YIF1B: variants seen among roughly 807,000 people sequenced by gnomAD.
YIF1B encodes protein YIF1B.
Under a neutral mutation model 34.6 loss-of-function variants are expected in YIF1B, and 24 were observed. That is an observed-to-expected ratio of 0.69 (90% CI 0.50 to 0.98). The LOEUF (loss-of-function observed/expected upper bound fraction) is 0.98. Ranked by LOEUF, YIF1B falls within the 50% of genes least tolerant of loss-of-function variation. The pLI is 0.00. For synonymous variants in YIF1B, 186 were observed against 184.8 expected, an observed-to-expected ratio of 1.01 and a Z score of -0.05; for missense variants, 368 against 429.4, an observed-to-expected ratio of 0.86 and a Z score of 1.26.
At position 38,307,653 on chromosome 19, in the gene YIF1B, G is replaced by C. The variant is rs1765957838; in HGVS notation, c.639C>G (p.Val213=). The change falls in exon 6 of 8, where the codon GTC becomes GTG. Residue 213 remains valine (V), a synonymous_variant. Transcript: ENST00000339413. The stretch of plus-strand genomic sequence containing the variant: ...GGTCGATGGTGGTGAGGTCGGTGTT[G>C]ACAGTGACCAGATAGAGGCTGAGCA... ...AILLSLYLVT[V]NTDLTTIDLV... The C allele has an allele frequency of 1.2e-6, 2 of 1,613,882 alleles. No individual in the cohort carries two copies. The highest frequency in any genetic ancestry group is 1.7e-6 in the Non-Finnish European group (2 of 1,180,024).
chr19:38,320,861 C>T (rs946000031), upstream of YIF1B, among the ~76,000 whole-genome samples: 7 of 152,122 alleles, frequency 4.6e-5, no homozygotes, highest in Non-Finnish European at 8.8e-5. Flanking sequence ...ACTGGGACTG[C>T]ATTCCCCGGT....
rs764807460 is a variant in YIF1B at position 38,304,379 on chromosome 19, G to A, written c.*973C>T. On this transcript the variant is annotated 3_prime_UTR_variant, in exon 8 of 8. Coordinates refer to ENST00000339413, the MANE Select transcript of YIF1B (RefSeq NM_001039672.3). ...CCACCCAACTTCTCTCCACAGCCCT[G>A]GAGCCCACCTCCCAGAAGCCCGGTG... is the stretch of plus-strand genomic sequence containing the variant. 3.8e-6 allele frequency: 6 copies of A among 1,586,596 alleles called. No homozygotes were observed. The Admixed American group carries it at 5.5e-5, about 15-fold the overall frequency.
intron 7 of YIF1B, chr19:38,306,898 G>A (rs1481607111): frequency 1.1e-5 from 5 of 456,124 alleles, no homozygotes; most frequent in South Asian, 8.1e-5. Flanking sequence ...AGCCAGGATG[G>A]TCTTGATCTC....
At chr19:38,309,736 T>C (rs1484021849) in intron 1 of YIF1B, 93 bp from the exon 2 acceptor site, 2 of 1,486,320 alleles carry the variant, frequency 1.3e-6, no homozygotes, top group Non-Finnish European at 1.8e-6. Flanking sequence ...TGCCTCCTGC[T>C]GCAGAGGAGG....
In YIF1B at chr19:38,306,204, CAAAAAAAA is replaced by C. The variant is rs1174694534; in HGVS notation, c.790-705_790-698del. Among the ~76,000 whole-genome samples the C allele has an allele frequency of 1.4e-4, 4 of 28,710 alleles. 1 individual carries two copies. In the East Asian group the frequency reaches 2.2e-3, roughly 16 times the overall value. 18.8% of individuals were successfully genotyped at this position (28,710 alleles called of 152,430 possible). On this transcript the variant is annotated intron_variant, in intron 7 of 7. Transcript: ENST00000339413. Reference sequence around the variant, plus strand: ...CCCGACAGAGCGAGACTCTGTCTCACAAAAAAAAAAAAAAAAAAAAAAAAAAAGTCAGG... The same window carrying C: ...CCCGACAGAGCGAGACTCTGTCTCACAAAAAAAAAAAAAAAAAAAGTCAGG...
At chr19:38,317,776 C>T (rs1373308000), upstream of YIF1B, among the ~76,000 whole-genome samples, 1 of 150,250 alleles carries the variant, frequency 6.7e-6, no homozygotes, top group African/African-American at 2.4e-5. Flanking sequence ...GACAGGGTTT[C>T]GCCATGTTGG....
At chr19:38,314,110 C>T (rs1355837916) in intron 1 of YIF1B, among the ~76,000 whole-genome samples, 3 of 152,086 alleles carry the variant, frequency 2.0e-5, no homozygotes, top group African/African-American at 7.2e-5. Context: ...ACTGCAACCT[C>T]CGCATCCTGG....
At chr19:38,316,537 G>A (rs1969560074), upstream of YIF1B, among the ~76,000 whole-genome samples, 1 of 152,132 alleles carries the variant, frequency 6.6e-6, no homozygotes, top group South Asian at 2.1e-4. Context: ...GGGAAATGCA[G>A]TTCTCTGCAG....
chr19:38,304,324 G>A lies in YIF1B; in HGVS notation c.*1028C>T, dbSNP rs773151210. 15 of 1,612,918 alleles carry A rather than the reference G, an allele frequency of 9.3e-6. No homozygotes were observed. In the East Asian group the frequency reaches 2.2e-4, roughly 24 times the overall value. On this transcript the variant is annotated 3_prime_UTR_variant, in exon 8 of 8. Transcript: ENST00000339413. The stretch of plus-strand genomic sequence containing the variant: ...GTGTGGACTGGAGGTGCAGGGGGCC[G>A]GACTCAAGCCCAGAAGCTGCCTGCA...
At position 38,305,284 on chromosome 19, in the gene YIF1B, G is replaced by A. The variant is rs1386046713; in HGVS notation, c.*68C>T. 3.2e-6 allele frequency: 5 copies of A among 1,554,638 alleles called. No homozygotes were observed. Among genetic ancestry groups the A allele is most frequent in the East Asian group, 2.3e-5 (1 of 43,970 alleles). ...GGTGGACCTTGGGGCCTGCAGGCAG[G>A]AGATGAGTTCGGCGGCCACAGTGGC... On this transcript the variant is annotated 3_prime_UTR_variant, in exon 8 of 8. Transcript: ENST00000339413.
chr19:38,320,009 T>TGGGCGCGCTGTTGG (rs767744052), upstream of YIF1B: 337 of 1,490,606 alleles, frequency 2.3e-4, no homozygotes, highest in Non-Finnish European at 2.9e-4. Flanking sequence ...TACCTGGTGC[T>TGGGCGCGCTGTTGG]GGGCGCGCTG....
At chr19:38,308,002 G>C (rs1969137917) in intron 5 of YIF1B, among the ~76,000 whole-genome samples, 1 of 152,244 alleles carries the variant, frequency 6.6e-6, no homozygotes, top group African/African-American at 2.4e-5. Context: ...ACAGGTGTCA[G>C]AGAGGGCTTC....
At chr19:38,316,058 C>A (rs1276983539), upstream of YIF1B, 14 of 1,247,486 alleles carry the variant, frequency 1.1e-5, no homozygotes, top group South Asian at 2.2e-5. Flanking sequence ...CCTCCAGCCC[C>A]CCCCTTCACG....
At position 38,309,023 on chromosome 19, in the gene YIF1B, A is replaced by C; in HGVS notation, c.437T>G (p.Val146Gly). 2.6e-6 allele frequency: 4 copies of C among 1,563,728 alleles called. No individual in the cohort carries two copies. Among genetic ancestry groups the C allele is most frequent in the Non-Finnish European group, 3.5e-6 (4 of 1,153,294 alleles). ...GGCATTGACGTCAAAGCGGGGGGCC[A>C]CCGGGGTGTCCTGTTGGTACTGCAC... The part of the protein sequence containing the change: ...WEVQYQQDTP[V>G]APRFDVNAPD... Residue 146 changes from valine to glycine, a missense_variant, in exon 4 of 8, where the codon GTG becomes GGG. This residue lies in a region of YIF1B where 208 missense variants were observed against 247.8 expected (regional missense o/e 0.84). Transcript: ENST00000339413.
At chr19:38,306,899 T>C (rs1192212713) in intron 7 of YIF1B, 1 of 457,042 alleles carries the variant, frequency 2.2e-6, no homozygotes, top group East Asian at 7.0e-5. Flanking sequence ...GCCAGGATGG[T>C]CTTGATCTCC....
rs1340413282 is a variant in YIF1B, at chr19:38,315,910, G to A, written c.8C>T (p.Pro3Leu). 2.7e-6 allele frequency: 4 copies of A among 1,472,988 alleles called. No individual in the cohort carries two copies. Among genetic ancestry groups the A allele is most frequent in the Admixed American group, 2.5e-5 (1 of 39,958 alleles). The allele number at this position is 1,472,988 out of a possible 1,614,324, so 91.2% of individuals were successfully genotyped here. The change falls in exon 1 of 8, where the codon CCG (proline) becomes CTG (leucine). Residue 3 changes from proline to leucine, a missense_variant. Physicochemically the swap from Pro to Leu is moderately conservative, Grantham distance 98 (BLOSUM62 -3). This residue lies in a region of YIF1B where 153 missense variants were observed against 156.7 expected (regional missense o/e 0.98). Coordinates refer to ENST00000339413, the MANE Select transcript of YIF1B (RefSeq NM_001039672.3). MH[P>L]AGLAAAAAGT... Reference sequence around the variant, plus strand: ...CGCAGCCGCCGCCGCCAAGCCTGCCGGGTGCATCCTTCGCCGCCGCCACCT... The same window carrying A: ...CGCAGCCGCCGCCGCCAAGCCTGCCAGGTGCATCCTTCGCCGCCGCCACCT...
chr19:38,303,983 C>T lies in YIF1B; in HGVS notation c.*1369G>A, dbSNP rs139850537. Among the ~76,000 whole-genome samples, 1,105 of 152,278 alleles carry T rather than the reference C, an allele frequency of 7.3e-3. 11 individuals carry two copies. Among genetic ancestry groups the T allele is most frequent in the African/African-American group, 0.025 (1,045 of 41,556 alleles). On this transcript the variant is annotated 3_prime_UTR_variant, in exon 8 of 8. Transcript: ENST00000339413. Reference sequence around the variant, plus strand: ...CGAGCATCTGAGCTTTTGGGGGAAACCTGTAGCTCCCCGAATGCCATCCAC... The same window carrying T: ...CGAGCATCTGAGCTTTTGGGGGAAATCTGTAGCTCCCCGAATGCCATCCAC...
upstream of YIF1B, among the ~76,000 whole-genome samples, chr19:38,320,514 T>C (rs1030707693): frequency 2.0e-5 from 3 of 151,166 alleles, no homozygotes; most frequent in Admixed American, 6.6e-5. Context: ...AGAGTACCTT[T>C]GCAGAGACCA....
upstream of YIF1B, among the ~76,000 whole-genome samples, chr19:38,321,478 T>TC (rs771081853): frequency 5.7e-4 from 86 of 152,206 alleles, no homozygotes; most frequent in Non-Finnish European, 1.8e-4. Context: ...TAGGGATGTG[T>TC]CAAAAGGACC....
Sources: allele counts gnomAD v4.1 joint callset (sites outside exome capture counted in the v4.1 genomes callset), GRCh38; gene constraint gnomAD v4.1.1; regional missense constraint gnomAD v4.1.1; transcripts MANE v1.5; gene names NCBI Gene and HGNC (gene_info 2026-07-23, HGNC 2026-07-21).